The following SPEF1 variants were observed in gnomAD, a reference collection of about 807,000 sequenced individuals.
SPEF1 encodes sperm flagella and cilia-associated protein 1.
In SPEF1, 30 loss-of-function variants were observed where a neutral mutation model predicts 31.8. The observed-to-expected ratio is 0.94, with a 90% confidence interval of 0.70 to 1.28. SPEF1 has a LOEUF of 1.28. Ranked by LOEUF, SPEF1 falls within the 50% of genes most tolerant of loss-of-function variation. The probability of loss-of-function intolerance (pLI) is 0.00; values close to 1 mark genes in which losing one functional copy is unlikely to be tolerated. For missense variants in SPEF1, 298 were observed against 309.6 expected (o/e 0.96, Z 0.28); for synonymous variants, 126 against 130.1 (o/e 0.97, Z 0.21).
intron 2 of SPEF1, 29 bp from the exon 3 acceptor site, chr20:3,779,381 TG>T: frequency 6.4e-7 from 1 of 1,565,352 alleles, no homozygotes; most frequent in Admixed American, 1.8e-5. Context: ...GATAGCAGAT[TG>T]GGTCCTGGGG....
intron 1 of SPEF1, 140 bp from the exon 2 acceptor site, chr20:3,779,915 T>G (rs940202804): frequency 1.2e-5 from 7 of 604,734 alleles, no homozygotes; most frequent in African/African-American, 1.9e-5. Flanking sequence ...AGGGGAAGGA[T>G]AAGGAGGGAG....
intron 1 of SPEF1, 144 bp from the exon 2 acceptor site, chr20:3,779,919 G>A: frequency 1.7e-6 from 1 of 605,262 alleles, no homozygotes; most frequent in Non-Finnish European, 3.0e-6. Flanking sequence ...GAAGGATAAG[G>A]AGGGAGACAA....
intron 1 of SPEF1, among the ~76,000 whole-genome samples, chr20:3,780,587 C>T (rs889826693): frequency 6.6e-6 from 1 of 152,142 alleles, no homozygotes; most frequent in Non-Finnish European, 1.5e-5. Context: ...CACATAGGCA[C>T]ACATGTAGAA....
Position 3,778,012 on chromosome 20 carries a change from C to T in SPEF1, c.*200G>A, listed in dbSNP as rs1052708557. 1 of 554,000 alleles carries T rather than the reference C, an allele frequency of 1.8e-6. No individual in the cohort carries two copies. The highest frequency in any genetic ancestry group is 3.2e-6 in the Non-Finnish European group (1 of 313,648). The allele number at this position is 554,000 out of a possible 1,614,324, so 34.3% of individuals were successfully genotyped here. On this transcript the variant is annotated 3_prime_UTR_variant, in exon 7 of 7. Coordinates refer to ENST00000379756, the MANE Select transcript of SPEF1 (RefSeq NM_015417.5). Reference sequence around the variant, plus strand: ...GGAGTGGTAGGAGGCGGCTCAGTCCCGGGCCTGCGCTCCTAGAGTTCCTGT... The same window carrying T: ...GGAGTGGTAGGAGGCGGCTCAGTCCTGGGCCTGCGCTCCTAGAGTTCCTGT...
At chr20:3,779,449 T>A (rs572745535) in intron 2 of SPEF1, 97 bp from the exon 3 acceptor site, 2 of 1,108,250 alleles carry the variant, frequency 1.8e-6, no homozygotes, top group East Asian at 2.5e-5. Flanking sequence ...CTGTTCTGAG[T>A]GTACAGCCCT....
chr20:3,779,423 G>A, intron 2 of SPEF1, 71 bp from the exon 3 acceptor site: 1 of 1,348,830 alleles, frequency 7.4e-7, no homozygotes, highest in South Asian at 1.3e-5. Flanking sequence ...GGAGAGGGAA[G>A]GGGGCATGGT....
Position 3,778,006 on chromosome 20 carries a change from C to G in SPEF1, c.*206G>C. ...ATCTCCGGAGTGGTAGGAGGCGGCT[C>G]AGTCCCGGGCCTGCGCTCCTAGAGT... On this transcript the variant is annotated 3_prime_UTR_variant, in exon 7 of 7. Coordinates refer to ENST00000379756, the MANE Select transcript of SPEF1 (RefSeq NM_015417.5). 1 of 540,740 alleles carries G rather than the reference C, an allele frequency of 1.8e-6. No homozygotes were observed. 33.5% of individuals were successfully genotyped at this position (540,740 alleles called of 1,614,324 possible). A position where few individuals can be genotyped will look rare whatever the true frequency, so the allele number is the denominator to read the frequency against.
At position 3,778,378 on chromosome 20, in the gene SPEF1, GC is replaced by G. The variant is rs781653811; in HGVS notation, c.603+42del. The G allele has an allele frequency of 2.5e-6, 4 of 1,613,534 alleles. No individual in the cohort carries two copies. The African/African-American group carries it at 5.3e-5, about 21-fold the overall frequency. On this transcript the variant is annotated intron_variant, in intron 6 of 6. Coordinates refer to ENST00000379756, the MANE Select transcript of SPEF1 (RefSeq NM_015417.5). ...GTCTGCTCCCTCCTGCCCGGCCTCT[GC>G]TGGCCGCGAGCCCCCACCCGCAGCC...
Position 3,778,200 on chromosome 20 carries a change from C to T in SPEF1, c.*12G>A, listed in dbSNP as rs766708035. On this transcript the variant is annotated 3_prime_UTR_variant, in exon 7 of 7. Coordinates refer to ENST00000379756, the MANE Select transcript of SPEF1 (RefSeq NM_015417.5). ...GGGTACCCGGGCGTCCCCGCGCGGCCCGGGCCGCCGCTCACCGCTGCTTAC... is the reference window on the plus strand; with the variant it reads ...GGGTACCCGGGCGTCCCCGCGCGGCTCGGGCCGCCGCTCACCGCTGCTTAC... 9.0e-5 allele frequency: 139 copies of T among 1,543,316 alleles called. No individual in the cohort carries two copies. Among genetic ancestry groups the T allele is most frequent in the Middle Eastern group, 5.6e-4 (3 of 5,352 alleles).
Position 3,779,231 on chromosome 20 carries a change from G to T in SPEF1, c.343C>A (p.Gln115Lys). The T allele has an allele frequency of 6.3e-7, 1 of 1,586,638 alleles. No homozygotes were observed. ...CCGGCGCCCTGCTTCCTGCGCCTCTGCCTCTCCTCCAGGCGCTGCCTCAGC... is the reference window on the plus strand; with the variant it reads ...CCGGCGCCCTGCTTCCTGCGCCTCTTCCTCTCCTCCAGGCGCTGCCTCAGC... Reference protein sequence around the residue: ...IPLRQRLEERQRRRKQGAGSL... With the variant: ...IPLRQRLEERKRRRKQGAGSL... Residue 115 changes from glutamine (Q) to lysine (K), a missense_variant, in exon 3 of 7, where the codon CAG becomes AAG. Coordinates refer to ENST00000379756, the MANE Select transcript of SPEF1 (RefSeq NM_015417.5).
chr20:3,779,036 C>T, intron 3 of SPEF1, 46 bp from the exon 4 acceptor site: 1 of 1,613,362 alleles, frequency 6.2e-7, no homozygotes, highest in Non-Finnish European at 8.5e-7. Context: ...CTCAGTCATC[C>T]CCAAGGAGCC....
rs1298455028 is a variant in SPEF1 at position 3,779,267 on chromosome 20, C to G, written c.307G>C (p.Val103Leu). 1.3e-6 allele frequency: 2 copies of G among 1,597,460 alleles called. No individual in the cohort carries two copies. Among genetic ancestry groups the G allele is most frequent in the South Asian group, 2.3e-5 (2 of 88,634 alleles). ...AGGCGCTGCCTCAGCGGGATGAGCA[C>G]CAGCTCCACCACGCCTGGGGCGCAC... The part of the protein sequence containing the change: ...AQCAPGVVEL[V>L]LIPLRQRLEE... The change falls in exon 3 of 7, where the codon GTG becomes CTG. Residue 103 changes from valine (V) to leucine (L), a missense_variant. Val to Leu is a conservative substitution (Grantham distance 32, BLOSUM62 1). Coordinates refer to ENST00000379756, the MANE Select transcript of SPEF1 (RefSeq NM_015417.5).
rs1359763792 is a variant in SPEF1 at position 3,778,532 on chromosome 20, C to G, written c.492G>C (p.Pro164=). ...QGGGQLSWDR[P]PAPRPPAYNR... is the part of the protein sequence containing the mutation. ...TATACGCTGGAGGCCGAGGCGCCGG[C>G]GGCCGGTCCCAGCTGGGGTGGGAAG... Residue 164 remains proline (P), a synonymous_variant, in exon 6 of 7, where the codon CCG becomes CCC. Coordinates refer to ENST00000379756, the MANE Select transcript of SPEF1 (RefSeq NM_015417.5). 1 of 1,607,676 alleles carries G rather than the reference C, an allele frequency of 6.2e-7. No individual in the cohort carries two copies. The highest frequency in any genetic ancestry group is 1.7e-4 in the Middle Eastern group (1 of 5,980).
intron 1 of SPEF1, 60 bp downstream of exon 1, chr20:3,781,119 C>G: frequency 6.3e-7 from 1 of 1,597,390 alleles, no homozygotes; most frequent in Non-Finnish European, 8.6e-7. Flanking sequence ...AGAGTTTGCA[C>G]AGAGACCCGT....
In SPEF1 at chr20:3,778,435, G is replaced by A. The variant is rs1351649278; in HGVS notation, c.589C>T (p.Gln197Ter). The change falls in exon 6 of 7, where the codon CAA (glutamine) becomes TAA (stop). Residue 197 changes from glutamine (Q) to a stop codon, truncating the protein, a stop_gained. Coordinates refer to ENST00000379756, the MANE Select transcript of SPEF1 (RefSeq NM_015417.5). LOFTEE classifies it high-confidence loss of function. Reference sequence around the variant, plus strand: ...AGACCCCTCACCTGCACGGTCTCTTGAGAGGCCAACAGCTCCTGCTCCTTT... The same window carrying A: ...AGACCCCTCACCTGCACGGTCTCTTAAGAGGCCAACAGCTCCTGCTCCTTT... ...AEKEQELLASQETVQVLQMKV... is the reference protein window; with the variant it reads ...AEKEQELLAS 1.2e-6 allele frequency: 2 copies of A among 1,613,956 alleles called. No homozygotes were observed. Among genetic ancestry groups the A allele is most frequent in the Non-Finnish European group, 1.7e-6 (2 of 1,179,964 alleles).
chr20:3,778,912 G>C, intron 4 of SPEF1, 39 bp downstream of exon 4: 1 of 1,613,882 alleles, frequency 6.2e-7, no homozygotes, highest in East Asian at 2.2e-5. Flanking sequence ...CAGAAGGAAA[G>C]CTCCAACCGG....
chr20:3,780,396 A>T (rs970442943), intron 1 of SPEF1, among the ~76,000 whole-genome samples: 2 of 143,750 alleles, frequency 1.4e-5, no homozygotes, highest in African/African-American at 5.2e-5. Context: ...GAGCCCAGGG[A>T]ATTCACATGG....
intron 2 of SPEF1, 107 bp from the exon 3 acceptor site, chr20:3,779,459 TG>T: frequency 9.7e-7 from 1 of 1,031,130 alleles, no homozygotes; most frequent in East Asian, 2.5e-5. Flanking sequence ...TGTACAGCCC[TG>T]GGGGAGTGAA....
chr20:3,781,145 A>G, intron 1 of SPEF1, 34 bp downstream of exon 1: 1 of 1,613,034 alleles, frequency 6.2e-7, no homozygotes, highest in South Asian at 1.1e-5. Flanking sequence ...ACGAACATAC[A>G]GGACAGAACA....
Sources: gnomAD v4.1 joint callset for allele counts (sites outside exome capture counted in the v4.1 genomes callset) on GRCh38, gnomAD v4.1.1 for gene constraint, MANE v1.5 for transcripts, NCBI Gene and HGNC (gene_info 2026-07-23, HGNC 2026-07-21) for gene names.